Variants in ANO4 observed in about 807,000 individuals in gnomAD.
ANO4 encodes the protein anoctamin 4.
A neutral mutation model predicts 141.9 loss-of-function variants in ANO4; 69 were observed. The observed-to-expected ratio is 0.49, with a 90% CI of 0.40 to 0.59. The LOEUF (loss-of-function observed/expected upper bound fraction) is 0.59. Among genes scored for constraint, ANO4 ranks in the 20% least tolerant of loss-of-function variants. The pLI, the probability that ANO4 is intolerant of heterozygous loss-of-function variation, is 0.00. For synonymous variants in ANO4, 350 were observed against 394.3 expected (o/e 0.89, Z 1.33); for missense variants, 894 against 1,162.2 (o/e 0.77, Z 3.36).
At position 101,014,760 on chromosome 12, in the gene ANO4, C is replaced by T. The variant is rs76550891; in HGVS notation, c.735-5274C>T. The stretch of plus-strand genomic sequence containing the variant: ...TTCAGCAGTTTATTCCCCTCTTCAC[C>T]GAATTTCAGGGGGAATGTGAGAGCA... On this transcript the variant is annotated intron_variant, in intron 8 of 27. Coordinates refer to ENST00000392977, the MANE Select transcript of ANO4 (RefSeq NM_001286615.2). Among the ~76,000 whole-genome samples the T allele has an allele frequency of 1.4e-3, 212 of 152,228 alleles. 2 individuals carry two copies. Among genetic ancestry groups the T allele is most frequent in the African/African-American group, 4.3e-3 (179 of 41,546 alleles).
Position 101,097,708 on chromosome 12 carries a change from G to A in ANO4, c.1908G>A (p.Glu636=), listed in dbSNP as rs1255569630. ...TGATAAACAGGTGGAGACTAGAAGA[G>A]GTCTGTATTCTCCCATCATTCCTTG... is the stretch of plus-strand genomic sequence containing the variant. The part of the protein sequence containing the change: ...LRLINRWRLE[E]CHPSGCLIDL... The change falls in exon 20 of 28, where the codon GAG becomes GAA. Residue 636 remains glutamate (E), a splice_region_variant and synonymous_variant. Coordinates refer to ENST00000392977, the MANE Select transcript of ANO4 (RefSeq NM_001286615.2). 1.2e-6 allele frequency: 2 copies of A among 1,613,510 alleles called. No homozygotes were observed. Among genetic ancestry groups the A allele is most frequent in the African/African-American group, 1.3e-5 (1 of 74,870 alleles).
At chr12:100,945,247 T>C (rs1341876759) in intron 5 of ANO4, among the ~76,000 whole-genome samples, 2 of 152,204 alleles carry the variant, frequency 1.3e-5, no homozygotes, top group Non-Finnish European at 2.9e-5. Flanking sequence ...CTCTTTAACA[T>C]TGAATTTCAA....
intron 1 of ANO4, among the ~76,000 whole-genome samples, chr12:100,829,062 A>G (rs977391805): frequency 2.0e-5 from 3 of 151,918 alleles, no homozygotes; most frequent in African/African-American, 7.2e-5. Flanking sequence ...TCTTAGGATG[A>G]AATACCCTCA....
chr12:100,750,038 A>G (rs1367600240), intron 3 of ANO4, among the ~76,000 whole-genome samples: 3 of 152,184 alleles, frequency 2.0e-5, no homozygotes, highest in Non-Finnish European at 4.4e-5. Context: ...TTTAGTGTCA[A>G]TATAAGCCCA....
intron 17 of ANO4, among the ~76,000 whole-genome samples, chr12:101,091,343 C>T (rs2049764592): frequency 6.6e-6 from 1 of 152,170 alleles, no homozygotes; most frequent in African/African-American, 2.4e-5. Flanking sequence ...ATCTTACCCT[C>T]CTCAGCTATC....
At chr12:100,846,886 C>A (rs1347304809) in intron 1 of ANO4, among the ~76,000 whole-genome samples, 1 of 152,140 alleles carries the variant, frequency 6.6e-6, no homozygotes, top group Non-Finnish European at 1.5e-5. Flanking sequence ...TTATTCCCTT[C>A]CTACCCTGCC....
intron 25 of ANO4, 115 bp from the exon 26 acceptor site, chr12:101,120,405 T>G: frequency 2.4e-6 from 2 of 831,902 alleles, no homozygotes; most frequent in Non-Finnish European, 3.8e-6. Flanking sequence ...ATATCTAGTA[T>G]AGAGAAACTT....
chr12:100,841,579 G>A (rs1565925965), intron 1 of ANO4, among the ~76,000 whole-genome samples: 2 of 152,142 alleles, frequency 1.3e-5, no homozygotes, highest in South Asian at 4.1e-4. Context: ...GGAAGGCTGA[G>A]GTGGTGACAT....
intron 1 of ANO4, among the ~76,000 whole-genome samples, chr12:100,863,844 C>T (rs1026826871): frequency 1.2e-4 from 19 of 152,256 alleles, no homozygotes; most frequent in African/African-American, 3.9e-4. Context: ...TAAACTACCC[C>T]GTAATGCCTA....
chr12:100,832,158 A>G (rs995006232), intron 1 of ANO4, among the ~76,000 whole-genome samples: 1 of 151,920 alleles, frequency 6.6e-6, no homozygotes, highest in African/African-American at 2.4e-5. Context: ...CCACCCCCCA[A>G]TCCTCTGTGT....
intron 9 of ANO4, among the ~76,000 whole-genome samples, chr12:101,035,572 C>T (rs771321127): frequency 6.6e-6 from 1 of 152,130 alleles, no homozygotes; most frequent in Non-Finnish European, 1.5e-5. Flanking sequence ...GCATCCCTTC[C>T]CATTTTATGG....
chr12:100,952,630 C>T (rs2043016412), intron 5 of ANO4, among the ~76,000 whole-genome samples: 1 of 152,116 alleles, frequency 6.6e-6, no homozygotes, highest in African/African-American at 2.4e-5. Context: ...TACCACTGCC[C>T]CATATCAGTC....
chr12:100,793,937 G>T (rs901348688), upstream of ANO4, among the ~76,000 whole-genome samples: 3 of 152,088 alleles, frequency 2.0e-5, no homozygotes, highest in Non-Finnish European at 4.4e-5. Flanking sequence ...GTGTAAGTCA[G>T]AATTTCTCAA....
intron 14 of ANO4, chr12:101,068,487 T>C (rs2048684304): frequency 1.0e-6 from 1 of 989,922 alleles, no homozygotes; most frequent in African/African-American, 1.6e-5. Context: ...CACCCTGTTC[T>C]CAGTAAAGAT....
intron 1 of ANO4, among the ~76,000 whole-genome samples, chr12:100,809,365 C>T (rs142525980): frequency 3.9e-4 from 58 of 146,910 alleles, no homozygotes; most frequent in East Asian, 1.4e-3. Flanking sequence ...CCAACCTGGG[C>T]GACAGAGCAA....
intron 3 of ANO4, among the ~76,000 whole-genome samples, chr12:100,782,321 A>G (rs1235136047): frequency 6.6e-6 from 1 of 152,152 alleles, no homozygotes; most frequent in Non-Finnish European, 1.5e-5. Context: ...GAAAGAACCT[A>G]TTCTTTCTCT....
chr12:101,080,882 A>ATT (rs750158605), intron 15 of ANO4, among the ~76,000 whole-genome samples: 2 of 91,280 alleles, frequency 2.2e-5, no homozygotes, highest in Non-Finnish European at 4.5e-5. Context: ...ATATATATAT[A>ATT]TTATATATAT....
At position 100,861,534 on chromosome 12, in the gene ANO4, C is replaced by T. The variant is rs1030285313; in HGVS notation, c.-140-40112C>T. Reference sequence around the variant, plus strand: ...GGACATTTACCATGAATGAAGCCTGCGGAACTGGAAATTGCTCTTGATGAA... The same window carrying T: ...GGACATTTACCATGAATGAAGCCTGTGGAACTGGAAATTGCTCTTGATGAA... On this transcript the variant is annotated intron_variant, in intron 1 of 27. Coordinates refer to ENST00000392977, the MANE Select transcript of ANO4 (RefSeq NM_001286615.2). Among the ~76,000 whole-genome samples, 15 of 152,168 alleles carry T rather than the reference C, an allele frequency of 9.9e-5. No homozygotes were observed. The East Asian group carries it at 1.5e-3, about 16-fold the overall frequency.
rs541018162 is a variant in ANO4 at position 101,127,876 on chromosome 12, C to T, written c.*20C>T. ...CTCTTTCCAGAAAATAGTCCCTTTC[C>T]AGGCCAAGGACCTGAATTCTGTTTA... On this transcript the variant is annotated 3_prime_UTR_variant, in exon 28 of 28. Coordinates refer to ENST00000392977, the MANE Select transcript of ANO4 (RefSeq NM_001286615.2). 1.3e-5 allele frequency: 2 copies of T among 152,678 alleles called. No individual in the cohort carries two copies. The highest frequency in any genetic ancestry group is 2.1e-4 in the South Asian group (1 of 4,830). The allele number at this position is 152,678 out of a possible 1,614,324, so 9.5% of individuals were successfully genotyped here.
Sources: allele counts gnomAD v4.1 joint callset (sites outside exome capture counted in the v4.1 genomes callset), GRCh38; gene constraint gnomAD v4.1.1; transcripts MANE v1.5; gene names NCBI Gene and HGNC (gene_info 2026-07-23, HGNC 2026-07-21).